The following KSR2 variants were observed in gnomAD, a reference collection of about 807,000 sequenced individuals.
KSR2 encodes kinase suppressor of ras 2.
KSR2 carries 25 observed loss-of-function variants against 107.8 expected under a neutral mutation model. That is an observed-to-expected ratio of 0.23 (90% CI 0.17 to 0.32). The LOEUF (loss-of-function observed/expected upper bound fraction) is 0.32, where lower values mean the gene tolerates loss of function less well. Ranked by LOEUF, KSR2 falls within the 10% of genes least tolerant of loss-of-function variation. The pLI is 1.00. For missense variants in KSR2, 887 were observed against 1,268.9 expected, an observed-to-expected ratio of 0.70 and a Z score of 4.57; for synonymous variants, 480 against 507.0, an observed-to-expected ratio of 0.95 and a Z score of 0.71.
rs148416657 is a variant in KSR2, at chr12:117,848,562, A to C, written c.472+6866T>G. ...CAATCAAGCCAGACAGAAGGGGAGTAGTCTCAAAAGAAACAGCAGTGCTGA... is the reference window on the plus strand; with the variant it reads ...CAATCAAGCCAGACAGAAGGGGAGTCGTCTCAAAAGAAACAGCAGTGCTGA... On this transcript the variant is annotated intron_variant, in intron 3 of 19. Transcript: ENST00000339824. 3.0e-4 allele frequency among the ~76,000 whole-genome samples: 45 copies of C among 152,358 alleles called. 1 individual carries two copies. The East Asian group carries it at 8.1e-3, about 27-fold the overall frequency.
chr12:117,677,002 G>C (rs997517288), intron 4 of KSR2, among the ~76,000 whole-genome samples: 9 of 152,198 alleles, frequency 5.9e-5, no homozygotes, highest in African/African-American at 2.2e-4. Flanking sequence ...CTGACAAGTG[G>C]AGAAGGGTGT....
chr12:117,741,319 C>T lies in KSR2; in HGVS notation c.986+19692G>A, dbSNP rs1333590076. On this transcript the variant is annotated intron_variant, in intron 4 of 19. Coordinates refer to ENST00000339824, the MANE Select transcript of KSR2 (RefSeq NM_173598.6). ...ATTGCTTGACCCTAGGAGTTCAAGA[C>T]CAGCCTGGGCAACGTAGCAAGACCC... Among the ~76,000 whole-genome samples the T allele has an allele frequency of 2.0e-5, 3 of 151,332 alleles. No individual in the cohort carries two copies. The East Asian group carries it at 5.8e-4, about 29-fold the overall frequency.
chr12:117,491,645 G>A (rs1471987277), intron 14 of KSR2, among the ~76,000 whole-genome samples: 3 of 152,072 alleles, frequency 2.0e-5, no homozygotes, highest in African/African-American at 4.8e-5. Context: ...TGATGGATTC[G>A]AGTTGATTCC....
intron 1 of KSR2, among the ~76,000 whole-genome samples, chr12:117,922,197 G>C (rs891714112): frequency 6.6e-6 from 1 of 152,152 alleles, no homozygotes; most frequent in African/African-American, 2.4e-5. Context: ...AACCCAGCAA[G>C]TCTCAAATTA....
intron 4 of KSR2, among the ~76,000 whole-genome samples, chr12:117,746,794 A>G (rs899546821): frequency 6.9e-5 from 10 of 144,598 alleles, no homozygotes; most frequent in African/African-American, 1.6e-4. Context: ...TTCTGAAAAG[A>G]AGACATTTAT....
Position 117,558,576 on chromosome 12 carries a change from G to T in KSR2, c.1326-3C>A, listed in dbSNP as rs1565899862. 2 of 1,613,020 alleles carry T rather than the reference G, an allele frequency of 1.2e-6. No homozygotes were observed. Among genetic ancestry groups the T allele is most frequent in the Non-Finnish European group, 1.7e-6 (2 of 1,179,064 alleles). ...TGCATTTGTTGTGGCACTTTAACCT[G>T]AGAAAGATAAAGAGAGAGAAAGATG... is the stretch of plus-strand genomic sequence containing the variant. On this transcript the variant is annotated splice_region_variant and splice_polypyrimidine_tract_variant and intron_variant, in intron 7 of 19. Transcript: ENST00000339824.
chr12:117,667,936 C>T (rs1419950267), intron 4 of KSR2, among the ~76,000 whole-genome samples: 6 of 152,122 alleles, frequency 3.9e-5, no homozygotes, highest in Non-Finnish European at 7.4e-5. Context: ...CTCTAGAGAG[C>T]CAGTGTCAAG....
At chr12:117,690,426 G>A (rs1401353726) in intron 4 of KSR2, among the ~76,000 whole-genome samples, 4 of 152,024 alleles carry the variant, frequency 2.6e-5, no homozygotes, top group South Asian at 2.1e-4. Flanking sequence ...TTAGCCAGGC[G>A]TGGTGGTGTG....
chr12:117,637,619 G>C (rs889130488), intron 5 of KSR2, among the ~76,000 whole-genome samples: 1 of 150,716 alleles, frequency 6.6e-6, no homozygotes, highest in Admixed American at 6.6e-5. Context: ...TGTCAGTCAG[G>C]TCCCTGGGAA....
intron 3 of KSR2, among the ~76,000 whole-genome samples, chr12:117,832,929 G>T (rs531932358): frequency 6.6e-6 from 1 of 152,326 alleles, no homozygotes; most frequent in South Asian, 2.1e-4. Flanking sequence ...ACAGACCCAG[G>T]AGAGACCAGT....
At chr12:117,828,610 G>A (rs542139042) in intron 3 of KSR2, among the ~76,000 whole-genome samples, 4 of 152,284 alleles carry the variant, frequency 2.6e-5, no homozygotes, top group Non-Finnish European at 4.4e-5. Context: ...TACAAACCCC[G>A]GACCTGCCCT....
At chr12:117,939,308 T>A (rs1895937214) in intron 1 of KSR2, among the ~76,000 whole-genome samples, 1 of 152,244 alleles carries the variant, frequency 6.6e-6, no homozygotes, top group Non-Finnish European at 1.5e-5. Context: ...TGCTTCACAA[T>A]AATCCAGGGA....
intron 3 of KSR2, among the ~76,000 whole-genome samples, chr12:117,836,871 C>T (rs1593286877): frequency 6.6e-6 from 1 of 152,350 alleles, no homozygotes; most frequent in African/African-American, 2.4e-5. Context: ...CCAGGCCGGG[C>T]CCCAAGCTCT....
intron 15 of KSR2, 84 bp from the exon 16 acceptor site, chr12:117,484,633 C>T (rs1872355830): frequency 1.4e-6 from 2 of 1,427,862 alleles, no homozygotes; most frequent in South Asian, 1.2e-5. Context: ...ATTCCTTGTC[C>T]TGAAGACTTG....
chr12:117,650,445 T>G (rs185169117), intron 5 of KSR2, among the ~76,000 whole-genome samples: 1 of 152,274 alleles, frequency 6.6e-6, no homozygotes, highest in African/African-American at 2.4e-5. Flanking sequence ...CTGACTAATA[T>G]AGATTTTGGT....
intron 3 of KSR2, among the ~76,000 whole-genome samples, chr12:117,848,247 G>T (rs938372838): frequency 2.0e-5 from 3 of 152,194 alleles, no homozygotes; most frequent in African/African-American, 7.2e-5. Flanking sequence ...CTGATAGCTG[G>T]GCCACATCTC....
chr12:117,532,705 G>C (rs1410699952), intron 10 of KSR2, among the ~76,000 whole-genome samples: 1 of 152,110 alleles, frequency 6.6e-6, no homozygotes, highest in Non-Finnish European at 1.5e-5. Context: ...CAGAGGCCAG[G>C]GGTCTCGGAC....
intron 4 of KSR2, among the ~76,000 whole-genome samples, chr12:117,669,989 T>G (rs933723695): frequency 2.6e-5 from 4 of 152,258 alleles, no homozygotes; most frequent in African/African-American, 4.8e-5. Context: ...TCTTTTTGAA[T>G]TGTTTCTTTT....
chr12:117,888,332 T>A (rs774081897), intron 1 of KSR2, among the ~76,000 whole-genome samples: 3 of 152,136 alleles, frequency 2.0e-5, no homozygotes, highest in Non-Finnish European at 4.4e-5. Context: ...AAGTATGCTC[T>A]CCAAAAGGAC....
Sources: gnomAD v4.1 joint callset for allele counts (sites outside exome capture counted in the v4.1 genomes callset) on GRCh38, gnomAD v4.1.1 for gene constraint, MANE v1.5 for transcripts, NCBI Gene and HGNC (gene_info 2026-07-23, HGNC 2026-07-21) for gene names.